The following MROH2A variants were observed in gnomAD, a reference collection of about 807,000 sequenced individuals.
MROH2A encodes the protein maestro heat-like repeat-containing protein family member 2A.
A neutral mutation model predicts 200.4 loss-of-function variants in MROH2A; 174 were observed. The observed-to-expected ratio is 0.87, with a 90% CI of 0.77 to 0.98. The LOEUF (loss-of-function observed/expected upper bound fraction) is 0.98. Among genes scored for constraint, MROH2A ranks in the 50% least tolerant of loss-of-function variants. MROH2A has a pLI of 0.00. For missense variants in MROH2A, 2,045 were observed against 2,139.6 expected (o/e 0.96, Z 0.87); for synonymous variants, 829 against 840.4 (o/e 0.99, Z 0.23).
intron 15 of MROH2A, 181 bp downstream of exon 15, chr2:233,802,496 G>A: frequency 2.9e-6 from 2 of 682,336 alleles, no homozygotes; most frequent in South Asian, 2.1e-5. Flanking sequence ...TCATATCTAG[G>A]TCATGTTAGA....
At chr2:233,818,588 A>G in intron 28 of MROH2A, 64 bp from the exon 29 acceptor site, 2 of 1,060,698 alleles carry the variant, frequency 1.9e-6, no homozygotes, top group Non-Finnish European at 2.8e-6. Context: ...GGAGGTAGCC[A>G]CGAAGGGGGG....
Position 233,823,004 on chromosome 2 carries a change from G to T in MROH2A, c.3990G>T (p.Val1330=). The change falls in exon 34 of 42, where the codon GTG becomes GTT. Residue 1330 remains valine, a synonymous_variant. Transcript: ENST00000389758. ...ACGGCGGGACATTCCTGGAGGGTGT[G>T]AGCCTGCTGGCCAGGTGGGCCCTGG... ...LQDGGTFLEG[V]SLLARLCMQH... 1 of 1,550,342 alleles carries T rather than the reference G, an allele frequency of 6.5e-7. No individual in the cohort carries two copies. Among genetic ancestry groups the T allele is most frequent in the Non-Finnish European group, 8.7e-7 (1 of 1,146,942 alleles).
chr2:233,776,925 C>G (rs907575960), upstream of MROH2A, among the ~76,000 whole-genome samples: 1 of 152,146 alleles, frequency 6.6e-6, no homozygotes, highest in African/African-American at 2.4e-5. Context: ...GTCTCAGAAC[C>G]CTGTCCAGCT....
chr2:233,812,030 C>A, intron 24 of MROH2A, 71 bp downstream of exon 24: 1 of 1,081,226 alleles, frequency 9.2e-7, no homozygotes, highest in Non-Finnish European at 1.4e-6. Context: ...CTCGGTGCTC[C>A]TTCAGGGGTT....
chr2:233,829,178 C>A, intron 37 of MROH2A, 106 bp downstream of exon 37: 1 of 1,111,022 alleles, frequency 9.0e-7, no homozygotes, highest in Non-Finnish European at 1.3e-6. Context: ...GAGGCTCCTG[C>A]TGGGTGTCAG....
At position 233,789,684 on chromosome 2, in the gene MROH2A, CG is replaced by C. The variant is rs911869597; in HGVS notation, c.408+62del. ...CTCTGCCAGCCCAGGAGCTGGGCCA[CG>C]GGGGGCCTGGCCCAGGATGCCCACA... On this transcript the variant is annotated intron_variant, in intron 4 of 41. Transcript: ENST00000389758. The C allele has an allele frequency of 7.1e-5, 102 of 1,437,678 alleles. No homozygotes were observed. The African/African-American group carries it at 1.0e-3, about 14-fold the overall frequency. The allele number at this position is 1,437,678 out of a possible 1,614,324, so 89.1% of individuals were successfully genotyped here.
rs947070117 is a variant in MROH2A, at chr2:233,805,053, G to A, written c.1994G>A (p.Arg665His). Residue 665 changes from arginine to histidine, a missense_variant, in exon 19 of 42, where the codon CGC becomes CAC. Physicochemically the swap from Arg to His is conservative, Grantham distance 29. Coordinates refer to ENST00000389758, the MANE Select transcript of MROH2A (RefSeq NM_001394639.1). ...KKTRGSSWSL[R>H]LSKELNNQIA... ...ACCCGGGGGTCTAGCTGGAGCCTGC[G>A]CTTGAGTAAAGAGCTGAACAACCAG... is the stretch of plus-strand genomic sequence containing the variant. 15 of 1,550,172 alleles carry A rather than the reference G, an allele frequency of 9.7e-6. No homozygotes were observed. Among genetic ancestry groups the A allele is most frequent in the East Asian group, 4.9e-5 (2 of 40,912 alleles).
chr2:233,831,106 C>T (rs886522288), intron 38 of MROH2A, among the ~76,000 whole-genome samples: 2 of 152,236 alleles, frequency 1.3e-5, no homozygotes, highest in African/African-American at 4.8e-5. Context: ...AAGCCCGGCT[C>T]CCGCCTCTGA....
At chr2:233,790,549 T>C (rs1273057725) in intron 5 of MROH2A, among the ~76,000 whole-genome samples, 1 of 31,876 alleles carries the variant, frequency 3.1e-5, no homozygotes, top group South Asian at 2.4e-3. Context: ...TCCCTCCCCC[T>C]TTCTTTTTCT....
In MROH2A at chr2:233,807,869, C is replaced by T; in HGVS notation, c.2295+14C>T. ...AGTGCTTGGCGGGTAAGCCACCTTCCCTCCACAACTGGGTCTTGGGATCTC... is the reference window on the plus strand; with the variant it reads ...AGTGCTTGGCGGGTAAGCCACCTTCTCTCCACAACTGGGTCTTGGGATCTC... On this transcript the variant is annotated intron_variant, in intron 21 of 41. Transcript: ENST00000389758. The surrounding 1 kb of genome is among the most constrained non-coding windows in gnomAD (Gnocchi z 4.3). 6.4e-7 allele frequency: 1 copy of T among 1,550,966 alleles called. No homozygotes were observed. The highest frequency in any genetic ancestry group is 8.7e-7 in the Non-Finnish European group (1 of 1,147,066).
chr2:233,779,753 C>T lies in MROH2A; in HGVS notation c.177C>T (p.Asp59=), dbSNP rs2126076709. Residue 59 remains aspartate (D), a synonymous_variant, in exon 3 of 42, where the codon GAC becomes GAT. Coordinates refer to ENST00000389758, the MANE Select transcript of MROH2A (RefSeq NM_001394639.1). ...AKTDTTGAGL[D]MRKTLASVII... ...CGGACACAACAGGGGCAGGCCTTGA[C>T]ATGCGGAAGACCCTGGCCTCGGTGA... The T allele has an allele frequency of 6.4e-7, 1 of 1,551,052 alleles. No individual in the cohort carries two copies. The highest frequency in any genetic ancestry group is 8.7e-7 in the Non-Finnish European group (1 of 1,147,096).
In MROH2A at chr2:233,798,921, G is replaced by C. The variant is rs111314903; in HGVS notation, c.1329+71G>C. On this transcript the variant is annotated intron_variant, in intron 12 of 41. Transcript: ENST00000389758. ...GCCAGGGAGGCAAAGGGAAGTCTGG[G>C]CTCTGGGAGGCAGAGGCTTTTGATG... 2.0e-3 allele frequency: 2,458 copies of C among 1,254,334 alleles called. 31 individuals carry two copies. In the African/African-American group the frequency reaches 0.03, roughly 15 times the overall value. The allele number at this position is 1,254,334 out of a possible 1,614,324, so 77.7% of individuals were successfully genotyped here.
chr2:233,794,388 T>C lies in MROH2A; in HGVS notation c.848T>C (p.Leu283Pro). 6.4e-7 allele frequency: 1 copy of C among 1,550,536 alleles called. No homozygotes were observed. The highest frequency in any genetic ancestry group is 1.2e-5 in the South Asian group (1 of 84,064). ...GTGAAGCTGGGGGTGATCAAGTCCC[T>C]GAAGCCCATGCTCGGCCTCCTTCTG... The part of the protein sequence containing the change: ...PEVKLGVIKS[L>P]KPMLGLLLPN... The change falls in exon 8 of 42, where the codon CTG (leucine) becomes CCG (proline). Residue 283 changes from leucine (L) to proline (P), a missense_variant. Physicochemically the swap from Leu to Pro is moderately conservative, Grantham distance 98. Coordinates refer to ENST00000389758, the MANE Select transcript of MROH2A (RefSeq NM_001394639.1).
At chr2:233,825,118 T>A (rs1156913240) in intron 35 of MROH2A, among the ~76,000 whole-genome samples, 1 of 152,216 alleles carries the variant, frequency 6.6e-6, no homozygotes, top group Non-Finnish European at 1.5e-5. Flanking sequence ...TTTGGCTCTC[T>A]GCTTGCCTGT....
Position 233,779,362 on chromosome 2 carries a change from A to T in MROH2A, c.4A>T (p.Thr2Ser). 6.5e-7 allele frequency: 1 copy of T among 1,547,920 alleles called. No individual in the cohort carries two copies. The highest frequency in any genetic ancestry group is 8.7e-7 in the Non-Finnish European group (1 of 1,144,562). ...CTCAAAAGAGCTTGAGGAAGAGATG[A>T]CTGAAGCCATTACAGAAGCAGCAGT... The part of the protein sequence containing the change: M[T>S]EAITEAAVAS... Residue 2 changes from threonine (T) to serine (S), a missense_variant, in exon 2 of 42, where the codon ACT becomes TCT. By Grantham distance (58) the Thr-to-Ser change is moderately conservative (BLOSUM62 1). Around this residue, in one of 3 missense-constraint regions of MROH2A, gnomAD observed 831 missense variants for 800.0 expected, o/e 1.04. Coordinates refer to ENST00000389758, the MANE Select transcript of MROH2A (RefSeq NM_001394639.1).
chr2:233,798,478 C>G (rs1702255407), intron 11 of MROH2A, among the ~76,000 whole-genome samples: 1 of 152,190 alleles, frequency 6.6e-6, no homozygotes, highest in Admixed American at 6.5e-5. Flanking sequence ...ATGCCCAGTG[C>G]TCTGTGCCCA....
intron 26 of MROH2A, among the ~76,000 whole-genome samples, chr2:233,816,046 A>G (rs1474991924): frequency 6.6e-6 from 1 of 152,190 alleles, no homozygotes; most frequent in African/African-American, 2.4e-5. Flanking sequence ...CTCTGATGAC[A>G]TACTTAAATT....
intron 12 of MROH2A, among the ~76,000 whole-genome samples, chr2:233,799,419 A>G (rs912676886): frequency 6.6e-6 from 1 of 152,156 alleles, no homozygotes; most frequent in Non-Finnish European, 1.5e-5. Flanking sequence ...GGAAGCGAGA[A>G]GAGGCTCGTT....
At position 233,795,982 on chromosome 2, in the gene MROH2A, C is replaced by G; in HGVS notation, c.1075C>G (p.Pro359Ala). 1.3e-6 allele frequency: 2 copies of G among 1,550,620 alleles called. No individual in the cohort carries two copies. The highest frequency in any genetic ancestry group is 1.7e-6 in the Non-Finnish European group (2 of 1,146,994). ...ELHVQVCNKA[P>A]AQHQYSSQNL... ...CCCTCACCAGGTGTGCAACAAGGCCCCGGCCCAGCATCAGTACAGCAGCCA... is the reference window on the plus strand; with the variant it reads ...CCCTCACCAGGTGTGCAACAAGGCCGCGGCCCAGCATCAGTACAGCAGCCA... The change falls in exon 10 of 42, where the codon CCG becomes GCG. Residue 359 changes from proline to alanine, a missense_variant. Pro to Ala is a conservative substitution (Grantham distance 27). Transcript: ENST00000389758.
Sources: gnomAD v4.1 joint callset for allele counts (sites outside exome capture counted in the v4.1 genomes callset) on GRCh38, gnomAD v4.1.1 for gene constraint, gnomAD v4.1.1 regional missense constraint, Gnocchi (gnomAD v3.1) non-coding constraint, MANE v1.5 for transcripts, NCBI Gene and HGNC (gene_info 2026-07-23, HGNC 2026-07-21) for gene names.